Variants in PLD5 observed in about 807,000 individuals in gnomAD.
The protein encoded by PLD5 is phospholipase D family member 5.
A neutral mutation model predicts 61.1 loss-of-function variants in PLD5; 36 were observed. The observed-to-expected ratio is 0.59, with a 90% CI of 0.45 to 0.78. The LOEUF (loss-of-function observed/expected upper bound fraction) is 0.78. PLD5 is among the 30% of genes least tolerant of loss of function. The pLI is 0.00. For synonymous variants in PLD5, 243 were observed against 242.8 expected (o/e 1.00, Z -0.01); for missense variants, 515 against 644.4 (o/e 0.80, Z 2.17).
rs866009625 is a variant in PLD5 at position 242,207,816 on chromosome 1, T to A, written c.735+12172A>T. 2.7e-3 allele frequency among the ~76,000 whole-genome samples: 105 copies of A among 38,970 alleles called. 1 individual carries two copies. The highest frequency in any genetic ancestry group is 5.9e-3 in the South Asian group (6 of 1,022). 25.6% of individuals were successfully genotyped at this position (38,970 alleles called of 152,430 possible). The stretch of plus-strand genomic sequence containing the variant: ...TATATATATTTATATATATTTATAT[T>A]TATATATTTATATATATTTATATAT... On this transcript the variant is annotated intron_variant, in intron 5 of 9. Coordinates refer to ENST00000536534, the MANE Select transcript of PLD5 (RefSeq NM_001372062.1).
At position 242,088,582 on chromosome 1, in the gene PLD5, C is replaced by T. The variant is rs548023952; in HGVS notation, c.*1272G>A. 3 of 152,260 alleles carry T rather than the reference C, an allele frequency of 2.0e-5. No individual in the cohort carries two copies. The highest frequency in any genetic ancestry group is 2.1e-4 in the South Asian group (1 of 4,828). The allele number at this position is 152,260 out of a possible 1,614,324, so 9.4% of individuals were successfully genotyped here. ...CCCGAGGCCAAGCAGTGAGGGGCTC[C>T]GCTTTGAGTCACAGAGTCGGGAACA... On this transcript the variant is annotated 3_prime_UTR_variant, in exon 10 of 10. Coordinates refer to ENST00000536534, the MANE Select transcript of PLD5 (RefSeq NM_001372062.1).
chr1:242,257,669 G>A (rs1459049577), intron 4 of PLD5, among the ~76,000 whole-genome samples: 4 of 152,190 alleles, frequency 2.6e-5, no homozygotes, highest in Admixed American at 2.6e-4. Flanking sequence ...TAATGCATTT[G>A]TTAATTAGCT....
At chr1:242,501,184 C>T (rs1668543798) in intron 1 of PLD5, among the ~76,000 whole-genome samples, 1 of 152,068 alleles carries the variant, frequency 6.6e-6, no homozygotes, top group Non-Finnish European at 1.5e-5. Flanking sequence ...ATTAAATAGG[C>T]AGGATTACTA....
At chr1:242,255,800 T>G (rs2149089281) in intron 4 of PLD5, among the ~76,000 whole-genome samples, 1 of 152,260 alleles carries the variant, frequency 6.6e-6, no homozygotes, top group Non-Finnish European at 1.5e-5. Context: ...TCCCTGTCCT[T>G]TTTAAAATAA....
chr1:242,442,106 C>A (rs1558570167), intron 1 of PLD5, among the ~76,000 whole-genome samples: 1 of 152,176 alleles, frequency 6.6e-6, no homozygotes, highest in Admixed American at 6.5e-5. Flanking sequence ...ACAAAGGGCA[C>A]AAAGTGTCTA....
At chr1:242,350,434 TACACACACAC>T (rs57955584) in intron 1 of PLD5, among the ~76,000 whole-genome samples, 102,926 of 145,178 alleles carry the variant, frequency 0.71, 36,667 homozygotes, top group Non-Finnish European at 0.77. Context: ...TATACACACG[TACACACACAC>T]ACACACACAC....
chr1:242,331,866 C>T (rs561903490), intron 2 of PLD5, among the ~76,000 whole-genome samples: 20 of 152,210 alleles, frequency 1.3e-4, no homozygotes, highest in South Asian at 2.1e-4. Flanking sequence ...AAAACTAGGG[C>T]GGCAAAGTCC....
chr1:242,263,393 C>T (rs1673481876), intron 4 of PLD5, among the ~76,000 whole-genome samples: 1 of 151,800 alleles, frequency 6.6e-6, no homozygotes, highest in Non-Finnish European at 1.5e-5. Flanking sequence ...GCAAGATATT[C>T]AATCACAGAT....
intron 1 of PLD5, among the ~76,000 whole-genome samples, chr1:242,386,311 C>T (rs1353856857): frequency 4.6e-5 from 7 of 152,100 alleles, no homozygotes; most frequent in African/African-American, 1.7e-4. Flanking sequence ...AGGTGACTTG[C>T]TCATATCAAA....
intron 1 of PLD5, among the ~76,000 whole-genome samples, chr1:242,398,272 T>C (rs1015768890): frequency 3.9e-5 from 6 of 152,164 alleles, no homozygotes; most frequent in Non-Finnish European, 8.8e-5. Flanking sequence ...GGGAAGAACA[T>C]TAACATTCTG....
intron 5 of PLD5, among the ~76,000 whole-genome samples, chr1:242,202,642 C>T (rs1216020276): frequency 6.6e-6 from 1 of 152,132 alleles, no homozygotes; most frequent in African/African-American, 2.4e-5. Context: ...TGATGTAAAT[C>T]CTTTCTCCTG....
intron 1 of PLD5, among the ~76,000 whole-genome samples, chr1:242,372,109 C>T (rs922884723): frequency 1.6e-4 from 24 of 152,296 alleles, no homozygotes; most frequent in African/African-American, 5.3e-4. Context: ...GAGGACCTTA[C>T]ATCACTGAAG....
At chr1:242,169,991 T>G (rs1254641347) in intron 5 of PLD5, among the ~76,000 whole-genome samples, 1 of 152,102 alleles carries the variant, frequency 6.6e-6, no homozygotes, top group Non-Finnish European at 1.5e-5. Flanking sequence ...GGGGAAGGGG[T>G]GGCTGTGGGC....
At chr1:242,401,346 C>T (rs1663920838) in intron 1 of PLD5, among the ~76,000 whole-genome samples, 3 of 152,154 alleles carry the variant, frequency 2.0e-5, no homozygotes, top group Admixed American at 2.0e-4. Flanking sequence ...TGTCCACTCT[C>T]ACCACCTGCA....
intron 4 of PLD5, among the ~76,000 whole-genome samples, chr1:242,258,523 C>A (rs1400903966): frequency 2.0e-5 from 3 of 152,198 alleles, no homozygotes; most frequent in African/African-American, 7.2e-5. Context: ...ATTTTAACAT[C>A]TCTGACATTG....
intron 1 of PLD5, among the ~76,000 whole-genome samples, chr1:242,351,085 G>C (rs1246650232): frequency 6.6e-6 from 1 of 151,950 alleles, no homozygotes; most frequent in Non-Finnish European, 1.5e-5. Context: ...ATTTTTAGTA[G>C]AGATGGGGTT....
intron 1 of PLD5, among the ~76,000 whole-genome samples, chr1:242,386,213 T>C (rs1662592858): frequency 6.6e-6 from 1 of 152,190 alleles, no homozygotes; most frequent in Non-Finnish European, 1.5e-5. Flanking sequence ...TATTTCCAAA[T>C]AAGGTCTCAT....
chr1:242,409,469 C>T (rs1664424114), intron 1 of PLD5, among the ~76,000 whole-genome samples: 1 of 152,076 alleles, frequency 6.6e-6, no homozygotes, highest in South Asian at 2.1e-4. Context: ...AAGCTGAAAG[C>T]ATCCAGCAGA....
intron 5 of PLD5, among the ~76,000 whole-genome samples, chr1:242,131,498 G>T (rs1311673409): frequency 6.6e-6 from 1 of 152,140 alleles, no homozygotes; most frequent in African/African-American, 2.4e-5. Flanking sequence ...TGCTCGCTGT[G>T]CTCCAGGTAC....
Sources: gnomAD v4.1 joint callset for allele counts (sites outside exome capture counted in the v4.1 genomes callset) on GRCh38, gnomAD v4.1.1 for gene constraint, MANE v1.5 for transcripts, NCBI Gene and HGNC (gene_info 2026-07-23, HGNC 2026-07-21) for gene names.